Variants in IL1RAP observed in about 807,000 individuals in gnomAD.
The protein encoded by IL1RAP is interleukin-1 receptor accessory protein.
A neutral mutation model predicts 60.7 loss-of-function variants in IL1RAP; 35 were observed. That is an observed-to-expected ratio of 0.58 (90% CI 0.44 to 0.76). The LOEUF is 0.76. IL1RAP is among the 30% of genes least tolerant of loss of function. The pLI, the probability that IL1RAP is intolerant of heterozygous loss-of-function variation, is 0.00. For missense variants in IL1RAP, 572 were observed against 693.9 expected, an observed-to-expected ratio of 0.82 and a Z score of 1.97; for synonymous variants, 268 against 250.9, an observed-to-expected ratio of 1.07 and a Z score of -0.64.
At chr3:190,584,232 C>T (rs1212375284) in intron 3 of IL1RAP, among the ~76,000 whole-genome samples, 4 of 152,212 alleles carry the variant, frequency 2.6e-5, no homozygotes, top group African/African-American at 4.8e-5. Context: ...AAGTAACATT[C>T]CATTGTATGG....
chr3:190,587,729 G>A (rs945042766), intron 3 of IL1RAP, among the ~76,000 whole-genome samples: 1 of 152,200 alleles, frequency 6.6e-6, no homozygotes, highest in Admixed American at 6.5e-5. Context: ...GAGTGTTTGA[G>A]GGAAGAAATT....
chr3:190,628,634 A>C (rs1269501455), intron 8 of IL1RAP, among the ~76,000 whole-genome samples: 1 of 152,108 alleles, frequency 6.6e-6, no homozygotes. Context: ...GGATATATTT[A>C]TTTTTACAAA....
exon 12 of IL1RAP, chr3:190,656,836 G>T (rs1734634915): frequency 2.4e-6 from 1 of 424,162 alleles, no homozygotes; most frequent in East Asian, 3.6e-5. Context: ...GGCCCTAGAA[G>T]GTCAGTATGT....
At chr3:190,551,101 G>A (rs1375214174) in intron 1 of IL1RAP, among the ~76,000 whole-genome samples, 1 of 152,010 alleles carries the variant, frequency 6.6e-6, no homozygotes, top group South Asian at 2.1e-4. Context: ...TCCTCTTAAG[G>A]TCCCAAGATA....
intron 7 of IL1RAP, chr3:190,624,929 G>A: frequency 5.8e-6 from 1 of 173,310 alleles, no homozygotes. Context: ...TGCCAGGCGG[G>A]TCAAGTGGCA....
intron 9 of IL1RAP, among the ~76,000 whole-genome samples, chr3:190,638,484 G>C (rs990946001): frequency 6.6e-6 from 1 of 151,988 alleles, no homozygotes; most frequent in Non-Finnish European, 1.5e-5. Context: ...AATCTTAGCT[G>C]TTCTTCATCT....
At chr3:190,553,814 A>C (rs1356995811) in intron 1 of IL1RAP, among the ~76,000 whole-genome samples, 3 of 152,060 alleles carry the variant, frequency 2.0e-5, no homozygotes, top group Admixed American at 2.0e-4. Flanking sequence ...TAATCCCAGC[A>C]CTTTGGGAGG....
chr3:190,550,103 A>C (rs949362162), intron 1 of IL1RAP, among the ~76,000 whole-genome samples: 20 of 152,290 alleles, frequency 1.3e-4, no homozygotes, highest in African/African-American at 4.6e-4. Flanking sequence ...CACCCATGAA[A>C]CAGGGGGGGC....
intron 6 of IL1RAP, among the ~76,000 whole-genome samples, chr3:190,622,099 A>G (rs1296448119): frequency 6.6e-6 from 1 of 152,194 alleles, no homozygotes; most frequent in Non-Finnish European, 1.5e-5. Context: ...CTTCCATACT[A>G]GACACTTTCG....
chr3:190,528,993 A>G (rs938814908), intron 1 of IL1RAP, among the ~76,000 whole-genome samples: 1 of 152,184 alleles, frequency 6.6e-6, no homozygotes, highest in Admixed American at 6.5e-5. Context: ...GGGAGATGAG[A>G]GAACAGTTAA....
intron 1 of IL1RAP, among the ~76,000 whole-genome samples, chr3:190,540,861 C>G (rs961257658): frequency 6.6e-6 from 1 of 152,102 alleles, no homozygotes; most frequent in Non-Finnish European, 1.5e-5. Flanking sequence ...AGAACTCTCA[C>G]TCTTTTATGA....
chr3:190,643,606 T>C (rs56879114), intron 9 of IL1RAP, among the ~76,000 whole-genome samples: 2,796 of 152,306 alleles, frequency 0.018, 83 homozygotes, highest in African/African-American at 0.062. Flanking sequence ...GAATATGTAC[T>C]GAAGAACTGT....
At chr3:190,625,961 C>T (rs1182540373) in intron 7 of IL1RAP, among the ~76,000 whole-genome samples, 3 of 152,124 alleles carry the variant, frequency 2.0e-5, no homozygotes, top group South Asian at 4.1e-4. Context: ...GACTTAAGGA[C>T]GTTGCAATGG....
intron 9 of IL1RAP, chr3:190,630,220 A>C (rs1288900495): frequency 1.3e-6 from 1 of 789,026 alleles, no homozygotes; most frequent in Non-Finnish European, 1.5e-6. Flanking sequence ...CTATGTTGAT[A>C]GTACTATATT....
intron 5 of IL1RAP, among the ~76,000 whole-genome samples, chr3:190,618,669 A>T (rs1462290490): frequency 2.6e-5 from 4 of 152,248 alleles, no homozygotes. Flanking sequence ...TGTAAACTCA[A>T]TTCAAACCAA....
At chr3:190,570,135 G>C (rs958347275) in intron 3 of IL1RAP, among the ~76,000 whole-genome samples, 2 of 152,168 alleles carry the variant, frequency 1.3e-5, no homozygotes, top group African/African-American at 4.8e-5. Flanking sequence ...AATCCACTGA[G>C]TGCTGCCATC....
At chr3:190,626,855 A>T (rs1732325761) in intron 7 of IL1RAP, among the ~76,000 whole-genome samples, 1 of 151,794 alleles carries the variant, frequency 6.6e-6, no homozygotes, top group Non-Finnish European at 1.5e-5. Flanking sequence ...TTTTTAGTAG[A>T]GACGGGGTTT....
intron 9 of IL1RAP, among the ~76,000 whole-genome samples, chr3:190,643,066 A>C (rs535199408): frequency 1.3e-5 from 2 of 152,332 alleles, no homozygotes; most frequent in South Asian, 4.1e-4. Context: ...ATATCATGGA[A>C]GAAAAAGACA....
chr3:190,571,360 T>TA (rs981389945), intron 3 of IL1RAP, among the ~76,000 whole-genome samples: 3 of 151,088 alleles, frequency 2.0e-5, no homozygotes, highest in African/African-American at 7.3e-5. Context: ...AAAAAAAAAT[T>TA]AAAAAAATAG....
Sources: gnomAD v4.1 joint callset for allele counts (sites outside exome capture counted in the v4.1 genomes callset) on GRCh38, gnomAD v4.1.1 for gene constraint, MANE v1.5 for transcripts, NCBI Gene and HGNC (gene_info 2026-07-23, HGNC 2026-07-21) for gene names.